VEGFC: variants seen among roughly 807,000 people sequenced by gnomAD.
The protein encoded by VEGFC is vascular endothelial growth factor C.
VEGFC carries 12 observed loss-of-function variants against 46.1 expected under a neutral mutation model. The ratio of observed to expected loss-of-function variants is 0.26; its 90% confidence interval spans 0.17 to 0.42. The LOEUF (loss-of-function observed/expected upper bound fraction) is 0.42, where lower values mean the gene tolerates loss of function less well. Among genes scored for constraint, VEGFC ranks in the 10% least tolerant of loss-of-function variants. VEGFC has a pLI of 1.00. For synonymous variants in VEGFC, 232 were observed against 195.5 expected, an observed-to-expected ratio of 1.19 and a Z score of -1.56; for missense variants, 488 against 529.4, an observed-to-expected ratio of 0.92 and a Z score of 0.77.
intron 2 of VEGFC, among the ~76,000 whole-genome samples, chr4:176,728,957 T>G (rs1035190074): frequency 6.6e-6 from 1 of 152,156 alleles, no homozygotes; most frequent in Non-Finnish European, 1.5e-5. Context: ...CACTTTGGCC[T>G]CCCAATGGTC....
intron 1 of VEGFC, among the ~76,000 whole-genome samples, chr4:176,778,211 C>T (rs6836576): frequency 0.88 from 134,298 of 152,108 alleles, 59,644 homozygotes; most frequent in East Asian, 1. Context: ...GAGGACAATA[C>T]GACTTCACTT....
chr4:176,753,569 A>G (rs1454528850), intron 1 of VEGFC, among the ~76,000 whole-genome samples: 1 of 152,136 alleles, frequency 6.6e-6, no homozygotes, highest in African/African-American at 2.4e-5. Context: ...ATTGAGAGTT[A>G]GAACAGTTTT....
chr4:176,720,426 T>C (rs1212930254), intron 3 of VEGFC, among the ~76,000 whole-genome samples: 2 of 152,186 alleles, frequency 1.3e-5, no homozygotes, highest in Non-Finnish European at 2.9e-5. Flanking sequence ...ACCCCAAATT[T>C]GTTTCTTTTT....
chr4:176,697,071 T>C lies in VEGFC; in HGVS notation c.705-9144A>G, dbSNP rs890689618. ...GGCATTACCATTCAGGACATAGGCATGGGCAAGGACTTCACGTCTAAAACA... is the reference window on the plus strand; with the variant it reads ...GGCATTACCATTCAGGACATAGGCACGGGCAAGGACTTCACGTCTAAAACA... On this transcript the variant is annotated intron_variant, in intron 4 of 6. Coordinates refer to ENST00000618562, the MANE Select transcript of VEGFC (RefSeq NM_005429.5). 7.1e-4 allele frequency among the ~76,000 whole-genome samples: 108 copies of C among 151,990 alleles called. 1 individual carries two copies. The highest frequency in any genetic ancestry group is 1.6e-3 in the Admixed American group (25 of 15,260).
chr4:176,740,054 ATAGAATATATATAACTATATAT>A lies in VEGFC; in HGVS notation c.148-10330_148-10309del, dbSNP rs1380714749. Among the ~76,000 whole-genome samples the A allele has an allele frequency of 5.2e-5, 6 of 115,740 alleles. 2 individuals are homozygous for A. Among genetic ancestry groups the A allele is most frequent in the Admixed American group, 2.2e-4 (2 of 8,942 alleles). The allele number at this position is 115,740 out of a possible 152,430, so 75.9% of individuals were successfully genotyped here. On this transcript the variant is annotated intron_variant, in intron 1 of 6. Coordinates refer to ENST00000618562, the MANE Select transcript of VEGFC (RefSeq NM_005429.5). ...TCGAATATATATAACTATTCGATAT[ATAGAATATATATAACTATATAT>A]TATATATTCTATATATTCTATACAT... is the stretch of plus-strand genomic sequence containing the variant.
At chr4:176,782,616 C>G (rs1197136853) in intron 1 of VEGFC, among the ~76,000 whole-genome samples, 1 of 151,998 alleles carries the variant, frequency 6.6e-6, no homozygotes, top group Non-Finnish European at 1.5e-5. Flanking sequence ...TATAAAGCTT[C>G]ATTTTATTAT....
chr4:176,719,736 G>A (rs1303867734), intron 3 of VEGFC, among the ~76,000 whole-genome samples: 1 of 152,148 alleles, frequency 6.6e-6, no homozygotes, highest in East Asian at 1.9e-4. Context: ...CATAATGGGT[G>A]TACCACATGC....
At chr4:176,708,178 G>A (rs1201666774) in intron 4 of VEGFC, among the ~76,000 whole-genome samples, 2 of 151,268 alleles carry the variant, frequency 1.3e-5, no homozygotes, top group Non-Finnish European at 2.9e-5. Flanking sequence ...GATTTTGAAT[G>A]TTTTTATAAA....
At chr4:176,755,331 C>A (rs1170827910) in intron 1 of VEGFC, among the ~76,000 whole-genome samples, 2 of 151,936 alleles carry the variant, frequency 1.3e-5, no homozygotes, top group African/African-American at 4.8e-5. Flanking sequence ...AATTATGCTC[C>A]CCAGAGCAGC....
intron 1 of VEGFC, among the ~76,000 whole-genome samples, chr4:176,745,877 T>C (rs2110886853): frequency 6.6e-6 from 1 of 152,190 alleles, no homozygotes; most frequent in Middle Eastern, 3.4e-3. Flanking sequence ...GGAAGACTTC[T>C]TTTCTATTAC....
At chr4:176,749,554 T>C (rs1735307869) in intron 1 of VEGFC, among the ~76,000 whole-genome samples, 1 of 151,814 alleles carries the variant, frequency 6.6e-6, no homozygotes, top group South Asian at 2.1e-4. Flanking sequence ...TGTCATCTAT[T>C]AGTGTATATA....
At chr4:176,746,966 C>T (rs1003076796) in intron 1 of VEGFC, among the ~76,000 whole-genome samples, 1 of 152,244 alleles carries the variant, frequency 6.6e-6, no homozygotes, top group African/African-American at 2.4e-5. Context: ...GAGATATGCA[C>T]TTTAAGAATA....
At chr4:176,787,056 T>C (rs954065536) in intron 1 of VEGFC, among the ~76,000 whole-genome samples, 10 of 152,152 alleles carry the variant, frequency 6.6e-5, no homozygotes, top group African/African-American at 2.4e-4. Flanking sequence ...TGTAAATAAA[T>C]ACATTACTAT....
chr4:176,755,046 T>C (rs1288190350), intron 1 of VEGFC, among the ~76,000 whole-genome samples: 1 of 152,044 alleles, frequency 6.6e-6, no homozygotes, highest in African/African-American at 2.4e-5. Flanking sequence ...CTATTACAGG[T>C]AAGTAATTTC....
intron 3 of VEGFC, among the ~76,000 whole-genome samples, chr4:176,712,050 T>C (rs1734629250): frequency 6.6e-6 from 1 of 152,158 alleles, no homozygotes; most frequent in African/African-American, 2.4e-5. Flanking sequence ...CTTTGTGATT[T>C]AGGAGCAAAG....
intron 1 of VEGFC, among the ~76,000 whole-genome samples, chr4:176,731,621 G>C (rs1734965956): frequency 6.6e-6 from 1 of 151,766 alleles, no homozygotes; most frequent in Admixed American, 6.6e-5. Flanking sequence ...TGATTGGAAG[G>C]TTCCTGGAAC....
In VEGFC at chr4:176,727,890, G is replaced by T; in HGVS notation, c.440C>A (p.Ala147Glu). The T allele has an allele frequency of 1.2e-6, 2 of 1,613,624 alleles. No individual in the cohort carries two copies. The highest frequency in any genetic ancestry group is 1.7e-6 in the Non-Finnish European group (2 of 1,179,858). Residue 147 changes from alanine to glutamate, a missense_variant, in exon 3 of 7, where the codon GCG (alanine) becomes GAG (glutamate). Ala to Glu is a moderately radical substitution (Grantham distance 107, BLOSUM62 -1). Coordinates refer to ENST00000618562, the MANE Select transcript of VEGFC (RefSeq NM_005429.5). The stretch of plus-strand genomic sequence containing the variant: ...TGGAGGTTTAAAGAAGGTGTTTGTC[G>T]CGACTCCAAACTCCTTCCCCACATC... ...CIDVGKEFGVATNTFFKPPCV... is the reference protein window; with the variant it reads ...CIDVGKEFGVETNTFFKPPCV...
At chr4:176,702,815 T>A (rs958856318) in intron 4 of VEGFC, among the ~76,000 whole-genome samples, 3 of 152,138 alleles carry the variant, frequency 2.0e-5, no homozygotes, top group African/African-American at 7.2e-5. Context: ...CTATAGTACA[T>A]CGTCACAGAA....
chr4:176,787,964 A>G (rs1428599793), intron 1 of VEGFC, among the ~76,000 whole-genome samples: 1 of 152,242 alleles, frequency 6.6e-6, no homozygotes, highest in Admixed American at 6.5e-5. Context: ...AGGTAGACCC[A>G]TATAGTATTT....
Sources: gnomAD v4.1 joint callset for allele counts (sites outside exome capture counted in the v4.1 genomes callset) on GRCh38, gnomAD v4.1.1 for gene constraint, MANE v1.5 for transcripts, NCBI Gene and HGNC (gene_info 2026-07-23, HGNC 2026-07-21) for gene names.